The following THSD4 variants were observed in gnomAD, a reference collection of about 807,000 sequenced individuals.
The protein encoded by THSD4 is thrombospondin type-1 domain-containing protein 4.
Under a neutral mutation model 119.0 loss-of-function variants are expected in THSD4, and 69 were observed. The ratio of observed to expected loss-of-function variants is 0.58; its 90% CI spans 0.48 to 0.71. The LOEUF is 0.71. THSD4 is among the 30% of genes least tolerant of loss of function. THSD4 has a pLI of 0.00. For missense variants in THSD4, 1,393 were observed against 1,391.1 expected (o/e 1.00, Z -0.02); for synonymous variants, 524 against 540.4 (o/e 0.97, Z 0.42).
chr15:71,236,806 A>G (rs2044109289), intron 4 of THSD4, among the ~76,000 whole-genome samples: 2 of 152,228 alleles, frequency 1.3e-5, no homozygotes, highest in African/African-American at 4.8e-5. Context: ...ATAATAGAAG[A>G]TTGTGCTGTG....
At chr15:71,232,271 T>C (rs2044067340) in intron 4 of THSD4, among the ~76,000 whole-genome samples, 1 of 152,162 alleles carries the variant, frequency 6.6e-6, no homozygotes, top group Admixed American at 6.5e-5. Flanking sequence ...TTCTGTCTCT[T>C]ATGAATTAAT....
At chr15:71,342,785 GTCT>G (rs1293813251) in intron 6 of THSD4, 1 of 152,278 alleles carries the variant, frequency 6.6e-6, no homozygotes, top group Non-Finnish European at 1.5e-5. Flanking sequence ...CCAACTAGAT[GTCT>G]TCTTTCTTGT....
chr15:71,716,930 C>T (rs2052622370), intron 8 of THSD4, among the ~76,000 whole-genome samples: 1 of 152,298 alleles, frequency 6.6e-6, no homozygotes, highest in East Asian at 1.9e-4. Flanking sequence ...TGGGTCAGAC[C>T]TGACCAGATG....
chr15:71,564,797 ATATATATTGTATATTATAACATATAATAC>A (rs2049201537), intron 7 of THSD4, among the ~76,000 whole-genome samples: 2 of 9,256 alleles, frequency 2.2e-4, no homozygotes, highest in Admixed American at 6.2e-4. Context: ...ATATAATACA[ATATATATTGTATATTATAACATATAATAC>A]TATATATTGT....
chr15:71,164,659 A>G lies in THSD4; in HGVS notation c.99+9727A>G, dbSNP rs1246509118. The G allele has an allele frequency of 4.2e-5, 63 of 1,510,132 alleles. 1 individual carries two copies. The highest frequency in any genetic ancestry group is 2.5e-4 in the Middle Eastern group (1 of 4,010). The allele number at this position is 1,510,132 out of a possible 1,614,324, so 93.5% of individuals were successfully genotyped here. On this transcript the variant is annotated intron_variant, in intron 3 of 17. Transcript: ENST00000261862. ...AAAAAAGACACTGTACAGTTTAAAA[A>G]CAAATCTTACACAGCCTTACATTTC...
chr15:71,503,135 G>A (rs1005339149), intron 7 of THSD4, among the ~76,000 whole-genome samples: 2 of 152,180 alleles, frequency 1.3e-5, no homozygotes, highest in East Asian at 1.9e-4. Flanking sequence ...CCCTCTCTGA[G>A]GACACATTTG....
chr15:71,472,383 T>G (rs141212252), intron 7 of THSD4, among the ~76,000 whole-genome samples: 1 of 152,212 alleles, frequency 6.6e-6, no homozygotes, highest in Admixed American at 6.5e-5. Flanking sequence ...TTATCATTAT[T>G]ATCATCAACA....
intron 1 of THSD4, among the ~76,000 whole-genome samples, chr15:71,139,551 G>C (rs2040582528): frequency 6.6e-6 from 1 of 152,166 alleles, no homozygotes; most frequent in South Asian, 2.1e-4. Flanking sequence ...GAATTTAAGG[G>C]TCTTCAATAC....
chr15:71,413,013 CTTTA>C (rs1471682895), intron 7 of THSD4, among the ~76,000 whole-genome samples: 9 of 151,658 alleles, frequency 5.9e-5, no homozygotes, highest in African/African-American at 2.2e-4. Flanking sequence ...TTTTATTTTA[CTTTA>C]TTTATTTTTT....
intron 8 of THSD4, among the ~76,000 whole-genome samples, chr15:71,714,388 G>T (rs1020306197): frequency 6.6e-6 from 1 of 152,184 alleles, no homozygotes; most frequent in African/African-American, 2.4e-5. Flanking sequence ...TGCCTGGCAG[G>T]GTGGTGCAGG....
At chr15:71,220,740 T>C (rs1318988960) in intron 4 of THSD4, among the ~76,000 whole-genome samples, 1 of 152,136 alleles carries the variant, frequency 6.6e-6, no homozygotes, top group Non-Finnish European at 1.5e-5. Context: ...CTAGGGCCAC[T>C]CAGGAAGACA....
At chr15:71,749,324 A>C (rs2053400413) in intron 14 of THSD4, among the ~76,000 whole-genome samples, 1 of 152,256 alleles carries the variant, frequency 6.6e-6, no homozygotes, top group South Asian at 2.1e-4. Context: ...GGAGAAGAAA[A>C]GAGGAAGGAG....
At chr15:71,197,423 C>A (rs1289721512) in intron 3 of THSD4, among the ~76,000 whole-genome samples, 3 of 152,194 alleles carry the variant, frequency 2.0e-5, no homozygotes, top group Non-Finnish European at 4.4e-5. Context: ...CTTTTCAGTA[C>A]TAAAAAGAAT....
At chr15:71,750,433 C>T (rs997423719) in intron 14 of THSD4, among the ~76,000 whole-genome samples, 3 of 152,208 alleles carry the variant, frequency 2.0e-5, no homozygotes, top group South Asian at 2.1e-4. Flanking sequence ...CATTTTGTCC[C>T]TCTATCACCA....
At chr15:71,365,280 C>G (rs956556461) in intron 6 of THSD4, among the ~76,000 whole-genome samples, 7 of 151,996 alleles carry the variant, frequency 4.6e-5, no homozygotes, top group African/African-American at 1.5e-4. Flanking sequence ...GCAAAGAAAG[C>G]TGTAGGTACT....
At chr15:71,567,928 A>G (rs2049274226) in intron 7 of THSD4, among the ~76,000 whole-genome samples, 1 of 152,066 alleles carries the variant, frequency 6.6e-6, no homozygotes, top group Non-Finnish European at 1.5e-5. Context: ...CCTTAAGGGA[A>G]TGTCATCTCT....
At chr15:71,663,049 G>A (rs1201761096) in intron 8 of THSD4, among the ~76,000 whole-genome samples, 3 of 152,020 alleles carry the variant, frequency 2.0e-5, no homozygotes, top group Admixed American at 1.3e-4. Flanking sequence ...AAGAGTTCAC[G>A]ACCAGCCTGC....
intron 2 of THSD4, among the ~76,000 whole-genome samples, chr15:71,142,096 A>T (rs994720363): frequency 5.3e-5 from 8 of 151,922 alleles, no homozygotes; most frequent in African/African-American, 1.9e-4. Context: ...GAACTTAAAA[A>T]AATTGTTCTC....
At chr15:71,591,005 C>CGAAAAA (rs2049787922) in intron 7 of THSD4, among the ~76,000 whole-genome samples, 1 of 57,482 alleles carries the variant, frequency 1.7e-5, no homozygotes, top group Non-Finnish European at 3.0e-5. Context: ...GACTCCATCT[C>CGAAAAA]AAAAAAAAAA....
Sources: gnomAD v4.1 joint callset for allele counts (sites outside exome capture counted in the v4.1 genomes callset) on GRCh38, gnomAD v4.1.1 for gene constraint, MANE v1.5 for transcripts, NCBI Gene and HGNC (gene_info 2026-07-23, HGNC 2026-07-21) for gene names.